The following CLASP1 variants were observed in gnomAD, a reference collection of about 807,000 sequenced individuals.
CLASP1 encodes CLIP-associating protein 1.
Under a neutral mutation model 192.3 loss-of-function variants are expected in CLASP1, and 38 were observed. The ratio of observed to expected loss-of-function variants is 0.20; its 90% CI spans 0.15 to 0.26. CLASP1 has a LOEUF of 0.26. Ranked by LOEUF, CLASP1 falls within the 10% of genes least tolerant of loss-of-function variation. CLASP1 has a pLI of 1.00. For missense variants in CLASP1, 1,433 were observed against 1,932.5 expected (o/e 0.74, Z 4.85); for synonymous variants, 691 against 712.8 (o/e 0.97, Z 0.49).
At chr2:121,486,899 A>G (rs931377280) in intron 8 of CLASP1, among the ~76,000 whole-genome samples, 2 of 152,234 alleles carry the variant, frequency 1.3e-5, no homozygotes, top group African/African-American at 4.8e-5. Context: ...GCCATGTTCC[A>G]ATAATACTTA....
intron 2 of CLASP1, among the ~76,000 whole-genome samples, chr2:121,576,433 T>C (rs2060525878): frequency 6.6e-6 from 1 of 152,136 alleles, no homozygotes; most frequent in Non-Finnish European, 1.5e-5. Context: ...GTAGCTTGAG[T>C]ATAGTGCAAT....
chr2:121,371,340 C>T (rs1007265232), intron 34 of CLASP1, among the ~76,000 whole-genome samples: 2 of 152,020 alleles, frequency 1.3e-5, no homozygotes, highest in Non-Finnish European at 2.9e-5. Flanking sequence ...AAGCAATACT[C>T]TCACTGCAGC....
chr2:121,367,455 C>A lies in CLASP1; in HGVS notation c.3886+133G>T. ...GGGATTCAGTTAAGTAGTGCCTGAA[C>A]AAATGACTAAGCAGAAAGAACAGAC... On this transcript the variant is annotated intron_variant, in intron 35 of 39. Coordinates refer to ENST00000263710, the Ensembl canonical transcript of CLASP1. 6 of 1,228,776 alleles carry A rather than the reference C, an allele frequency of 4.9e-6. No individual in the cohort carries two copies. In the South Asian group the frequency reaches 8.9e-5, roughly 18 times the overall value. 76.1% of individuals were successfully genotyped at this position (1,228,776 alleles called of 1,614,324 possible).
Position 121,608,954 on chromosome 2 carries a change from T to C in CLASP1, c.-285-2774A>G, listed in dbSNP as rs147236338. Among the ~76,000 whole-genome samples the C allele has an allele frequency of 2.6e-5, 4 of 152,372 alleles. No individual in the cohort carries two copies. The East Asian group carries it at 7.7e-4, about 29-fold the overall frequency. On this transcript the variant is annotated intron_variant, in intron 1 of 39. Coordinates refer to ENST00000263710, the Ensembl canonical transcript of CLASP1. ...TACGTAATACTGATTTATATAATAC[T>C]ATCTCTAATTCTTCAACTCTATAAA...
chr2:121,388,105 T>C (rs2073659886), intron 30 of CLASP1, 199 bp from the exon 32 acceptor site: 1 of 490,860 alleles, frequency 2.0e-6, no homozygotes, highest in African/African-American at 2.0e-5. Context: ...AACTCTGGCT[T>C]CATTTTAATG....
In CLASP1 at chr2:121,448,950, T is replaced by C; in HGVS notation, c.1691+3A>G. On this transcript the variant is annotated splice_donor_region_variant and intron_variant, in intron 17 of 39. Coordinates refer to ENST00000263710, the Ensembl canonical transcript of CLASP1. ...GAATGATAAGCAAAGATGAATCTCT[T>C]ACTTTAGACTCTCTTGAGAGCTGGA... The C allele has an allele frequency of 1.2e-6, 2 of 1,609,456 alleles. No individual in the cohort carries two copies. Among genetic ancestry groups the C allele is most frequent in the Non-Finnish European group, 1.7e-6 (2 of 1,178,348 alleles).
chr2:121,386,995 C>T, intron 32 of CLASP1, 127 bp downstream of exon 33: 1 of 780,862 alleles, frequency 1.3e-6, no homozygotes. Context: ...GGACTAGAAC[C>T]CACGGTTCTT....
chr2:121,429,887 T>C (rs944750913), intron 20 of CLASP1, among the ~76,000 whole-genome samples, 186 bp downstream of exon 20: 4 of 152,178 alleles, frequency 2.6e-5, no homozygotes, highest in Non-Finnish European at 1.5e-5. Flanking sequence ...AGGAGACAAA[T>C]GTATGCCTGA....
At chr2:121,469,369 G>T (rs2090256181) in intron 9 of CLASP1, among the ~76,000 whole-genome samples, 1 of 152,010 alleles carries the variant, frequency 6.6e-6, no homozygotes, top group South Asian at 2.1e-4. Context: ...AATACCTAGG[G>T]GCCAGTCTAC....
At chr2:121,470,180 T>G in intron 8 of CLASP1, 1 of 621,568 alleles carries the variant, frequency 1.6e-6, no homozygotes, top group Non-Finnish European at 2.9e-6. Context: ...CAGAATACTT[T>G]TGCACTCAAA....
intron 2 of CLASP1, among the ~76,000 whole-genome samples, chr2:121,575,823 C>T (rs1370036252): frequency 1.3e-5 from 2 of 152,192 alleles, no homozygotes; most frequent in African/African-American, 4.8e-5. Flanking sequence ...TCTAAAGCAT[C>T]GGTGTAAATA....
exon 40 of CLASP1, chr2:121,340,232 C>T (rs1227927718): frequency 2.6e-5 from 4 of 152,220 alleles, no homozygotes; most frequent in African/African-American, 4.8e-5. Flanking sequence ...GGTGCACTCC[C>T]AATTCTACGC....
chr2:121,458,005 A>C (rs566828001), intron 13 of CLASP1, among the ~76,000 whole-genome samples: 61 of 152,342 alleles, frequency 4.0e-4, no homozygotes, highest in African/African-American at 1.4e-3. Flanking sequence ...ATGAGGTCTA[A>C]ATTATCTCAG....
At chr2:121,377,185 T>C (rs1279212798) in intron 34 of CLASP1, among the ~76,000 whole-genome samples, 1 of 152,228 alleles carries the variant, frequency 6.6e-6, no homozygotes, top group Non-Finnish European at 1.5e-5. Flanking sequence ...CAACAGTTTA[T>C]TGTGTATTTC....
intron 8 of CLASP1, among the ~76,000 whole-genome samples, chr2:121,471,132 T>A (rs1419526564): frequency 1.3e-5 from 2 of 151,990 alleles, no homozygotes; most frequent in African/African-American, 4.8e-5. Context: ...AATAAAAAAA[T>A]GTGTCAGATA....
At chr2:121,535,002 T>G (rs950974105) in intron 2 of CLASP1, among the ~76,000 whole-genome samples, 2 of 152,202 alleles carry the variant, frequency 1.3e-5, no homozygotes, top group Non-Finnish European at 2.9e-5. Context: ...GTGTGGTGTC[T>G]CACGCCTGTA....
At chr2:121,375,125 G>A (rs1298228621) in intron 34 of CLASP1, among the ~76,000 whole-genome samples, 2 of 152,080 alleles carry the variant, frequency 1.3e-5, no homozygotes, top group African/African-American at 4.8e-5. Context: ...GGATCATGGG[G>A]GCAGATTTAC....
intron 2 of CLASP1, among the ~76,000 whole-genome samples, chr2:121,556,366 A>G (rs1209560170): frequency 1.3e-5 from 2 of 152,084 alleles, no homozygotes; most frequent in African/African-American, 4.8e-5. Context: ...CAGCTTGGGT[A>G]AGAGCCAGTC....
chr2:121,639,000 G>T (rs2071483389), intron 1 of CLASP1, among the ~76,000 whole-genome samples: 1 of 152,184 alleles, frequency 6.6e-6, no homozygotes, highest in African/African-American at 2.4e-5. Flanking sequence ...AATGGGGCCA[G>T]GTGCGGTGGC....
Sources: gnomAD v4.1 joint callset for allele counts (sites outside exome capture counted in the v4.1 genomes callset) on GRCh38, gnomAD v4.1.1 for gene constraint, MANE v1.5 for transcripts, NCBI Gene and HGNC (gene_info 2026-07-23, HGNC 2026-07-21) for gene names.